TRPM3: variants seen among roughly 807,000 people sequenced by gnomAD.
TRPM3 encodes long transient receptor potential channel 3.
Under a neutral mutation model 181.2 loss-of-function variants are expected in TRPM3, and 77 were observed. The observed-to-expected ratio is 0.42, with a 90% CI of 0.35 to 0.51. The LOEUF (loss-of-function observed/expected upper bound fraction) is 0.51, where lower values mean the gene tolerates loss of function less well. TRPM3 is among the 20% of genes least tolerant of loss of function. TRPM3 has a pLI of 0.01. For synonymous variants in TRPM3, 745 were observed against 796.4 expected (o/e 0.94, Z 1.09); for missense variants, 1,759 against 2,196.7 (o/e 0.80, Z 3.98).
intron 1 of TRPM3, among the ~76,000 whole-genome samples, chr9:71,085,427 TA>T (rs1484944457): frequency 6.6e-6 from 1 of 151,520 alleles, no homozygotes; most frequent in Non-Finnish European, 1.5e-5. Context: ...ATGAAACTAT[TA>T]AACAAGCAAA....
rs41287375 is a variant in TRPM3, at chr9:70,536,087, G to A, written c.5026C>T (p.Arg1676Trp). ...GGATTTCGCAGGCTTGCTGTGTTCC[G>A]CTGCCTGTCGAGTTTGTCACTGATG... The part of the protein sequence containing the change: ...FSISDKLDRQ[R>W]NTASLRNPFQ... Residue 1676 changes from arginine to tryptophan, a missense_variant, in exon 26 of 26, where the codon CGG becomes TGG. By Grantham distance (101) the Arg-to-Trp change is moderately radical (BLOSUM62 -3). Transcript: ENST00000677713. 242 of 1,614,202 alleles carry A rather than the reference G, an allele frequency of 1.5e-4. 2 individuals carry two copies. The highest frequency in any genetic ancestry group is 1.5e-3 in the Middle Eastern group (9 of 6,060).
chr9:71,242,746 T>C (rs2081788838), intron 1 of TRPM3, among the ~76,000 whole-genome samples: 1 of 152,202 alleles, frequency 6.6e-6, no homozygotes, highest in Admixed American at 6.6e-5. Context: ...TGGCCTTTTA[T>C]CATCCATGAC....
intron 1 of TRPM3, among the ~76,000 whole-genome samples, chr9:71,262,211 G>C (rs1282131062): frequency 6.6e-6 from 1 of 152,176 alleles, no homozygotes; most frequent in Non-Finnish European, 1.5e-5. Context: ...GAGATGCCCT[G>C]TCCAGAGAGG....
intron 1 of TRPM3, among the ~76,000 whole-genome samples, chr9:71,046,237 G>A (rs939460312): frequency 5.3e-5 from 8 of 151,940 alleles, no homozygotes; most frequent in African/African-American, 1.5e-4. Context: ...CACCAGACTC[G>A]GCCTCCCAAA....
intron 1 of TRPM3, among the ~76,000 whole-genome samples, chr9:71,399,278 A>C (rs6560201): frequency 6.6e-6 from 1 of 152,126 alleles, no homozygotes; most frequent in Non-Finnish European, 1.5e-5. Flanking sequence ...GCACATGCCA[A>C]AGAATGTTCA....
Position 70,784,198 on chromosome 9 carries a change from C to T in TRPM3, c.1055G>A (p.Arg352Gln), listed in dbSNP as rs954444345. ...AACCACTGGCACGGGAGGGGTGTCTCGAAGGTACTCCAAAACAATCGAGAT... is the reference window on the plus strand; with the variant it reads ...AACCACTGGCACGGGAGGGGTGTCTTGAAGGTACTCCAAAACAATCGAGAT... ...NVISIVLEYL[R>Q]DTPPVPVVVC... The change falls in exon 7 of 26, where the codon CGA becomes CAA. Residue 352 changes from arginine (R) to glutamine (Q), a missense_variant. This residue lies in a region of TRPM3 where 737 missense variants were observed against 957.4 expected (regional missense o/e 0.77). Transcript: ENST00000677713. The T allele has an allele frequency of 8.7e-6, 14 of 1,613,660 alleles. No individual in the cohort carries two copies. The highest frequency in any genetic ancestry group is 2.2e-5 in the East Asian group (1 of 44,844).
At chr9:70,672,670 G>C (rs1342536540) in intron 9 of TRPM3, among the ~76,000 whole-genome samples, 1 of 152,016 alleles carries the variant, frequency 6.6e-6, no homozygotes, top group Non-Finnish European at 1.5e-5. Context: ...ATAAAACTGT[G>C]GGCATCCTAG....
At chr9:70,896,719 G>T (rs980386446) in intron 1 of TRPM3, among the ~76,000 whole-genome samples, 10 of 151,696 alleles carry the variant, frequency 6.6e-5, no homozygotes, top group Non-Finnish European at 1.0e-4. Flanking sequence ...AAAGCCTAAA[G>T]TGTTCATTGT....
intron 1 of TRPM3, among the ~76,000 whole-genome samples, chr9:71,032,023 ATATAATATAAATATATAT>A (rs2057448651): frequency 4.5e-3 from 3 of 668 alleles, no homozygotes; most frequent in African/African-American, 6.4e-3. Flanking sequence ...TAATATATAT[ATATAATATAAATATATAT>A]ATATATATTA....
chr9:71,031,544 G>C (rs1256529755), intron 1 of TRPM3, among the ~76,000 whole-genome samples: 1 of 152,044 alleles, frequency 6.6e-6, no homozygotes, highest in Admixed American at 6.6e-5. Context: ...ACATAAAGTA[G>C]ATATTTAAGA....
At chr9:70,901,448 T>A (rs984160846) in intron 1 of TRPM3, among the ~76,000 whole-genome samples, 1 of 152,186 alleles carries the variant, frequency 6.6e-6, no homozygotes. Context: ...AGTTAACTTT[T>A]TTTTTTTTAA....
intron 1 of TRPM3, among the ~76,000 whole-genome samples, chr9:71,406,058 G>A (rs766409490): frequency 3.9e-5 from 6 of 152,110 alleles, no homozygotes; most frequent in Non-Finnish European, 5.9e-5. Flanking sequence ...GGCAGATCAC[G>A]AGGTCAAGAG....
intron 1 of TRPM3, among the ~76,000 whole-genome samples, chr9:71,236,353 C>T (rs780727411): frequency 6.6e-6 from 1 of 152,116 alleles, no homozygotes; most frequent in Non-Finnish European, 1.5e-5. Flanking sequence ...ATTCTAAAAT[C>T]TTATAATTTC....
At chr9:70,799,066 G>C (rs747588947) in intron 6 of TRPM3, among the ~76,000 whole-genome samples, 10 of 152,318 alleles carry the variant, frequency 6.6e-5, no homozygotes, top group Non-Finnish European at 1.5e-4. Flanking sequence ...CAGCTAAAGC[G>C]ACAAAGTATC....
intron 1 of TRPM3, among the ~76,000 whole-genome samples, chr9:71,304,480 A>G (rs1272355341): frequency 6.6e-6 from 1 of 152,208 alleles, no homozygotes; most frequent in Non-Finnish European, 1.5e-5. Flanking sequence ...CCAGATGTCA[A>G]TAAGAATTAA....
chr9:70,644,878 A>G (rs546326569), intron 9 of TRPM3, among the ~76,000 whole-genome samples: 2 of 152,226 alleles, frequency 1.3e-5, no homozygotes, highest in African/African-American at 4.8e-5. Context: ...TACAAAATCA[A>G]TGTGCAAAAA....
At chr9:71,247,842 T>C (rs909561997) in intron 1 of TRPM3, among the ~76,000 whole-genome samples, 1 of 152,132 alleles carries the variant, frequency 6.6e-6, no homozygotes, top group African/African-American at 2.4e-5. Flanking sequence ...AAATAGGGTT[T>C]AAAACAAGGA....
At chr9:71,298,161 T>C (rs1161503144) in intron 1 of TRPM3, among the ~76,000 whole-genome samples, 1 of 152,174 alleles carries the variant, frequency 6.6e-6, no homozygotes, top group Non-Finnish European at 1.5e-5. Context: ...GCAGGATATC[T>C]TAAGTCTTTA....
intron 1 of TRPM3, among the ~76,000 whole-genome samples, chr9:71,158,960 C>A (rs1474028223): frequency 2.0e-5 from 3 of 151,910 alleles, no homozygotes; most frequent in Admixed American, 6.6e-5. Flanking sequence ...TTTTAGAACC[C>A]AGCTGGAATC....
Sources: gnomAD v4.1 joint callset for allele counts (sites outside exome capture counted in the v4.1 genomes callset) on GRCh38, gnomAD v4.1.1 for gene constraint, gnomAD v4.1.1 regional missense constraint, MANE v1.5 for transcripts, NCBI Gene and HGNC (gene_info 2026-07-23, HGNC 2026-07-21) for gene names.